The following DNM3 variants were observed in gnomAD, a reference collection of about 807,000 sequenced individuals.
DNM3 encodes the protein dynamin-3.
In DNM3, 47 loss-of-function variants were observed where a neutral mutation model predicts 101.6. The observed-to-expected ratio is 0.46, with a 90% CI of 0.37 to 0.59. The LOEUF is 0.59. Ranked by LOEUF, DNM3 falls within the 20% of genes least tolerant of loss-of-function variation. The probability of loss-of-function intolerance (pLI) is 0.00; values close to 1 mark genes in which losing one functional copy is unlikely to be tolerated. For synonymous variants in DNM3, 385 were observed against 387.9 expected, an observed-to-expected ratio of 0.99 and a Z score of 0.09; for missense variants, 849 against 1,085.7, an observed-to-expected ratio of 0.78 and a Z score of 3.06.
At chr1:172,194,309 A>G (rs889037704) in intron 14 of DNM3, among the ~76,000 whole-genome samples, 21 of 152,092 alleles carry the variant, frequency 1.4e-4, no homozygotes, top group African/African-American at 4.6e-4. Flanking sequence ...AATAAGTGTG[A>G]TGTGGTGCTG....
chr1:172,386,577 T>G (rs932398346), intron 18 of DNM3, among the ~76,000 whole-genome samples: 1 of 152,246 alleles, frequency 6.6e-6, no homozygotes, highest in African/African-American at 2.4e-5. Context: ...CCTGCATAGT[T>G]ATATAAGATT....
At chr1:171,882,783 G>T (rs983422464) in intron 1 of DNM3, among the ~76,000 whole-genome samples, 1 of 151,592 alleles carries the variant, frequency 6.6e-6, no homozygotes, top group Non-Finnish European at 1.5e-5. Flanking sequence ...CCTTTATTTT[G>T]ATTTGTCTGA....
At chr1:171,870,658 T>A (rs1263892422) in intron 1 of DNM3, among the ~76,000 whole-genome samples, 1 of 151,950 alleles carries the variant, frequency 6.6e-6, no homozygotes, top group Non-Finnish European at 1.5e-5. Flanking sequence ...CAAAAGGAGG[T>A]TTAGAGTAGT....
intron 15 of DNM3, among the ~76,000 whole-genome samples, chr1:172,264,123 T>G (rs779519902): frequency 1.3e-5 from 2 of 152,204 alleles, no homozygotes; most frequent in Non-Finnish European, 2.9e-5. Flanking sequence ...CATGAATTGA[T>G]GTAGAGGACA....
chr1:172,087,242 C>T (rs1296665365), intron 12 of DNM3, among the ~76,000 whole-genome samples: 2 of 152,156 alleles, frequency 1.3e-5, no homozygotes, highest in East Asian at 1.9e-4. Context: ...AGCCACTTCT[C>T]AGTCTTTAGG....
intron 1 of DNM3, among the ~76,000 whole-genome samples, chr1:171,905,043 C>G (rs1377618585): frequency 6.6e-6 from 1 of 152,144 alleles, no homozygotes; most frequent in Non-Finnish European, 1.5e-5. Flanking sequence ...ATTTAGATTT[C>G]TTACTGATGT....
At chr1:171,905,521 T>C (rs1218818902) in intron 1 of DNM3, among the ~76,000 whole-genome samples, 1 of 152,134 alleles carries the variant, frequency 6.6e-6, no homozygotes, top group Non-Finnish European at 1.5e-5. Context: ...AAATTTGATA[T>C]GCATGGGGAG....
chr1:172,369,350 A>G (rs2068198891), intron 17 of DNM3, among the ~76,000 whole-genome samples: 1 of 152,024 alleles, frequency 6.6e-6, no homozygotes, highest in Non-Finnish European at 1.5e-5. Flanking sequence ...GGTATATCAC[A>G]TCAACAGAAT....
At chr1:172,118,981 A>G (rs2056116668) in intron 13 of DNM3, among the ~76,000 whole-genome samples, 1 of 151,086 alleles carries the variant, frequency 6.6e-6, no homozygotes, top group African/African-American at 2.4e-5. Context: ...CTGATGTCAT[A>G]CTAGTTGTTA....
intron 17 of DNM3, among the ~76,000 whole-genome samples, chr1:172,328,022 T>C (rs2066011620): frequency 6.6e-6 from 1 of 152,168 alleles, no homozygotes; most frequent in South Asian, 2.1e-4. Context: ...AGAAGCAAAT[T>C]GGAATCTATA....
intron 17 of DNM3, among the ~76,000 whole-genome samples, chr1:172,325,574 T>G (rs1377176866): frequency 1.3e-5 from 2 of 151,920 alleles, no homozygotes; most frequent in Non-Finnish European, 2.9e-5. Flanking sequence ...ATCTGCATGT[T>G]ATTTTCCTGT....
intron 1 of DNM3, among the ~76,000 whole-genome samples, chr1:171,892,440 A>G (rs2037372435): frequency 6.6e-6 from 1 of 152,216 alleles, no homozygotes; most frequent in Admixed American, 6.5e-5. Context: ...GTATATACAC[A>G]TATCTACAAA....
At chr1:171,907,167 T>G (rs1229484280) in intron 1 of DNM3, among the ~76,000 whole-genome samples, 1 of 152,202 alleles carries the variant, frequency 6.6e-6, no homozygotes, top group Non-Finnish European at 1.5e-5. Flanking sequence ...ATCCCCACAG[T>G]TGATTTTTAA....
intron 2 of DNM3, among the ~76,000 whole-genome samples, chr1:171,931,867 A>G (rs1162723887): frequency 3.3e-5 from 5 of 152,220 alleles, no homozygotes; most frequent in Non-Finnish European, 7.3e-5. Context: ...TTTTGTAAAG[A>G]TGAAACTATT....
intron 2 of DNM3, among the ~76,000 whole-genome samples, chr1:171,955,904 G>A (rs1318888394): frequency 6.6e-6 from 1 of 152,150 alleles, no homozygotes; most frequent in Non-Finnish European, 1.5e-5. Flanking sequence ...AGAGGAGAGA[G>A]GTTGTGCAGG....
In DNM3 at chr1:171,847,990, A is replaced by G. The variant is rs370785576; in HGVS notation, c.161+6173A>G. 4.2e-3 allele frequency among the ~76,000 whole-genome samples: 633 copies of G among 151,084 alleles called. 12 individuals are homozygous for G. The highest frequency in any genetic ancestry group is 0.014 in the African/African-American group (590 of 41,196). On this transcript the variant is annotated intron_variant, in intron 1 of 20. Transcript: ENST00000627582. ...AGTAGCAAGACTGGCATTTGATGAC[A>G]TTATTATAAGAAGCTTTTCTCTGGC...
At chr1:172,293,220 A>C (rs1467381262) in intron 15 of DNM3, among the ~76,000 whole-genome samples, 1 of 152,240 alleles carries the variant, frequency 6.6e-6, no homozygotes, top group Non-Finnish European at 1.5e-5. Context: ...ATTTAGGCTC[A>C]GATGTTTGAA....
At chr1:172,057,189 C>G (rs2050714703) in intron 10 of DNM3, among the ~76,000 whole-genome samples, 1 of 152,116 alleles carries the variant, frequency 6.6e-6, no homozygotes, top group African/African-American at 2.4e-5. Flanking sequence ...AAATATGGGA[C>G]TATGTGAAAA....
Position 172,411,756 on chromosome 1 carries a change from T to G in DNM3, c.*3915T>G. 1 of 985,440 alleles carries G rather than the reference T, an allele frequency of 1.0e-6. No homozygotes were observed. The highest frequency in any genetic ancestry group is 1.2e-6 in the Non-Finnish European group (1 of 829,824). The allele number at this position is 985,440 out of a possible 1,614,324, so 61.0% of individuals were successfully genotyped here. ...CCTACTAGGTCTCTAACTGTTGAAC[T>G]CATGAAAGAAGATAGTGTATGAGAC... On this transcript the variant is annotated 3_prime_UTR_variant, in exon 21 of 21. Transcript: ENST00000627582.
Sources: gnomAD v4.1 joint callset for allele counts (sites outside exome capture counted in the v4.1 genomes callset) on GRCh38, gnomAD v4.1.1 for gene constraint, MANE v1.5 for transcripts, NCBI Gene and HGNC (gene_info 2026-07-23, HGNC 2026-07-21) for gene names.